Variants in STK3 observed in about 807,000 individuals in gnomAD.
STK3 encodes serine/threonine kinase 3.
STK3 carries 41 observed loss-of-function variants against 58.0 expected under a neutral mutation model. That is an observed-to-expected ratio of 0.71 (90% CI 0.55 to 0.92). The LOEUF is 0.92. STK3 is among the 40% of genes least tolerant of loss of function. STK3 has a pLI of 0.00. For synonymous variants in STK3, 170 were observed against 191.0 expected (o/e 0.89, Z 0.91); for missense variants, 479 against 602.7 (o/e 0.79, Z 2.15).
intron 6 of STK3, 90 bp from the exon 7 acceptor site, chr8:98,596,259 C>T: frequency 7.0e-7 from 1 of 1,421,068 alleles, no homozygotes; most frequent in Non-Finnish European, 9.4e-7. Flanking sequence ...TTATCAGACT[C>T]TAAATTTGAA....
intron 8 of STK3, among the ~76,000 whole-genome samples, chr8:98,563,325 A>G (rs1346213206): frequency 6.6e-6 from 1 of 152,198 alleles, no homozygotes; most frequent in Non-Finnish European, 1.5e-5. Flanking sequence ...GGACCCATCT[A>G]GAATAATAAT....
At position 98,433,364 on chromosome 8, in the gene STK3, G is replaced by A. The variant is rs571875204; in HGVS notation, n.483+763C>T. ...CTAATAGTAAATTGGGGAACCCTGAGTGTCCTGGCTGGTTGGGCATGAATA... is the reference window on the plus strand; with the variant it reads ...CTAATAGTAAATTGGGGAACCCTGAATGTCCTGGCTGGTTGGGCATGAATA... On this transcript the variant is annotated intron_variant and non_coding_transcript_variant, in intron 3 of 3. Transcript: ENST00000517832. Among the ~76,000 whole-genome samples, 271 of 152,294 alleles carry A rather than the reference G, an allele frequency of 1.8e-3. 1 individual carries two copies. The highest frequency in any genetic ancestry group is 6.3e-3 in the African/African-American group (263 of 41,564).
chr8:98,533,613 G>T (rs1292887746), intron 9 of STK3, among the ~76,000 whole-genome samples: 1 of 151,960 alleles, frequency 6.6e-6, no homozygotes, highest in East Asian at 1.9e-4. Context: ...TCAGCCTCCT[G>T]AGTAGCTAGG....
chr8:98,359,973 C>T, the STK3 span, among the ~76,000 whole-genome samples: 1 of 152,130 alleles, frequency 6.6e-6, no homozygotes, highest in African/African-American at 2.4e-5. Context: ...GAAGGGTAAA[C>T]AGTGCTGGGG....
intron 7 of STK3, among the ~76,000 whole-genome samples, chr8:98,586,678 G>T (rs531912507): frequency 6.6e-6 from 1 of 151,878 alleles, no homozygotes; most frequent in South Asian, 2.1e-4. Flanking sequence ...AATGGTACCA[G>T]TTCCTCCTTG....
chr8:98,553,377 A>G (rs1453649723), intron 8 of STK3: 1 of 152,150 alleles, frequency 6.6e-6, no homozygotes, highest in Admixed American at 6.6e-5. Context: ...CAGTAACCAC[A>G]TCTTGTTTAC....
At chr8:98,934,499 C>G (rs980333768) in intron 1 of STK3, among the ~76,000 whole-genome samples, 1 of 152,210 alleles carries the variant, frequency 6.6e-6, no homozygotes, top group African/African-American at 2.4e-5. Context: ...TGGCAATATG[C>G]TCAGGGGTTC....
At chr8:98,711,424 C>T (rs1005709070) in intron 4 of STK3, among the ~76,000 whole-genome samples, 3 of 152,056 alleles carry the variant, frequency 2.0e-5, no homozygotes, top group African/African-American at 7.2e-5. Context: ...ATAACCAATG[C>T]AGAGAAGTCC....
chr8:98,709,755 A>T (rs900636057), intron 4 of STK3, among the ~76,000 whole-genome samples: 1 of 152,172 alleles, frequency 6.6e-6, no homozygotes, highest in Non-Finnish European at 1.5e-5. Context: ...TTCATAAAAC[A>T]CACAACTAAT....
chr8:98,716,155 C>T (rs1435732504), intron 4 of STK3, among the ~76,000 whole-genome samples: 2 of 151,844 alleles, frequency 1.3e-5, no homozygotes, highest in South Asian at 2.1e-4. Flanking sequence ...GAGTGGGGAG[C>T]GATAGCATTA....
chr8:98,720,150 AAAC>A (rs1466605401), intron 4 of STK3, among the ~76,000 whole-genome samples: 4 of 152,240 alleles, frequency 2.6e-5, no homozygotes, highest in South Asian at 4.1e-4. Flanking sequence ...AAATCACTTT[AAAC>A]AACAATAAAC....
At chr8:98,604,568 C>T (rs921532331) in intron 6 of STK3, among the ~76,000 whole-genome samples, 2 of 152,200 alleles carry the variant, frequency 1.3e-5, no homozygotes, top group Non-Finnish European at 2.9e-5. Context: ...TAGAGGTTCT[C>T]ATGAAAGCTA....
In STK3 at chr8:98,778,523, T is replaced by C. The variant is rs997709258; in HGVS notation, c.27-3704A>G. Among the ~76,000 whole-genome samples, 369 of 152,252 alleles carry C rather than the reference T, an allele frequency of 2.4e-3. 1 individual carries two copies. The highest frequency in any genetic ancestry group is 4.8e-3 in the Non-Finnish European group (327 of 68,024). Reference sequence around the variant, plus strand: ...AATACCGTTTGACCCAGCCATCCCATTACTGGGTATATACCCAAAGGATTA... The same window carrying C: ...AATACCGTTTGACCCAGCCATCCCACTACTGGGTATATACCCAAAGGATTA... On this transcript the variant is annotated intron_variant, in intron 1 of 10. Coordinates refer to ENST00000419617, the MANE Select transcript of STK3 (RefSeq NM_006281.4).
chr8:98,870,893 T>G (rs758188716), intron 3 of STK3, among the ~76,000 whole-genome samples: 6 of 152,248 alleles, frequency 3.9e-5, no homozygotes, highest in Non-Finnish European at 8.8e-5. Flanking sequence ...TTGCTTTTGA[T>G]GTTTTAGTCA....
intron 4 of STK3, among the ~76,000 whole-genome samples, chr8:98,740,803 T>C (rs533605967): frequency 3.9e-5 from 6 of 152,170 alleles, no homozygotes; most frequent in African/African-American, 7.2e-5. Flanking sequence ...GACTGGCAAA[T>C]TGGATAAAGA....
At chr8:98,415,335 TATGTGA>T (rs1818103341) in intron 3 of STK3, among the ~76,000 whole-genome samples, 1 of 152,232 alleles carries the variant, frequency 6.6e-6, no homozygotes, top group African/African-American at 2.4e-5. Context: ...AGACAGACTC[TATGTGA>T]ATAAGAAGTG....
rs139397875 is a variant in STK3, at chr8:98,511,883, T to C, written c.1317+14859A>G. Among the ~76,000 whole-genome samples, 101 of 152,260 alleles carry C rather than the reference T, an allele frequency of 6.6e-4. 2 individuals carry two copies. In the East Asian group the frequency reaches 0.019, roughly 29 times the overall value. Reference sequence around the variant, plus strand: ...TTTAAGTTAGAGGTTATGTATTAAATTGTTGCCAGTGATACTGTTTTAATG... The same window carrying C: ...TTTAAGTTAGAGGTTATGTATTAAACTGTTGCCAGTGATACTGTTTTAATG... On this transcript the variant is annotated intron_variant, in intron 10 of 10. Coordinates refer to ENST00000419617, the MANE Select transcript of STK3 (RefSeq NM_006281.4).
At chr8:98,711,075 G>A (rs1826382840) in intron 4 of STK3, among the ~76,000 whole-genome samples, 1 of 152,082 alleles carries the variant, frequency 6.6e-6, no homozygotes, top group South Asian at 2.1e-4. Context: ...TGCAGCTGAG[G>A]GTCCTGACAG....
chr8:98,890,766 A>T (rs1838168624), intron 1 of STK3, among the ~76,000 whole-genome samples: 1 of 152,244 alleles, frequency 6.6e-6, no homozygotes, highest in Non-Finnish European at 1.5e-5. Context: ...TTCCAGAGAC[A>T]TGAAACCCTT....
Sources: allele counts gnomAD v4.1 joint callset (sites outside exome capture counted in the v4.1 genomes callset), GRCh38; gene constraint gnomAD v4.1.1; transcripts MANE v1.5; gene names NCBI Gene and HGNC (gene_info 2026-07-23, HGNC 2026-07-21).